Variants in SRCAP observed in about 807,000 individuals in gnomAD.
The protein encoded by SRCAP is Snf2 related CREBBP activator protein.
SRCAP carries 46 observed loss-of-function variants against 263.1 expected under a neutral mutation model. The observed-to-expected ratio is 0.17, with a 90% CI of 0.14 to 0.22. SRCAP has a LOEUF of 0.22. Among genes scored for constraint, SRCAP ranks in the 10% least tolerant of loss-of-function variants. The pLI, the probability that SRCAP is intolerant of heterozygous loss-of-function variation, is 1.00. For missense variants in SRCAP, 3,695 were observed against 4,181.9 expected (o/e 0.88, Z 3.21); for synonymous variants, 1,813 against 1,662.1 (o/e 1.09, Z -2.21).
chr16:30,703,269 CCGCCTCCCA>C (rs1296051040), intron 3 of SRCAP, among the ~76,000 whole-genome samples: 72 of 151,568 alleles, frequency 4.8e-4, no homozygotes, highest in African/African-American at 1.6e-3. Context: ...ACTGCAACCT[CCGCCTCCCA>C]CGCCTCCCAG....
chr16:30,726,840 A>C (rs1373643115), intron 25 of SRCAP, among the ~76,000 whole-genome samples: 1 of 152,096 alleles, frequency 6.6e-6, no homozygotes, highest in Non-Finnish European at 1.5e-5. Context: ...GGCTGGGACT[A>C]CAGGCATGGC....
rs773508218 is a variant in SRCAP, at chr16:30,712,188, A to G, written c.1815+31A>G. The G allele has an allele frequency of 1.2e-5, 20 of 1,605,292 alleles. No homozygotes were observed. The South Asian group carries it at 1.9e-4, about 15-fold the overall frequency. On this transcript the variant is annotated intron_variant, in intron 12 of 33. Coordinates refer to ENST00000262518, the MANE Select transcript of SRCAP (RefSeq NM_006662.3). ...CCCAGGTTCTGGCCTCTCCTTTCTCATGTCTTGACTTTCTCATGTCCCCAC... is the reference window on the plus strand; with the variant it reads ...CCCAGGTTCTGGCCTCTCCTTTCTCGTGTCTTGACTTTCTCATGTCCCCAC...
At chr16:30,701,770 T>C (rs1463067189) in intron 3 of SRCAP, among the ~76,000 whole-genome samples, 1 of 150,070 alleles carries the variant, frequency 6.7e-6, no homozygotes, top group African/African-American at 2.5e-5. Flanking sequence ...GCTGGGATTA[T>C]AGGCACCCAC....
intron 3 of SRCAP, among the ~76,000 whole-genome samples, chr16:30,701,766 A>T (rs1264254586): frequency 2.0e-5 from 3 of 149,632 alleles, no homozygotes; most frequent in Non-Finnish European, 4.4e-5. Context: ...AGTAGCTGGG[A>T]TTATAGGCAC....
chr16:30,721,083 C>T, intron 20 of SRCAP, 105 bp downstream of exon 20: 5 of 1,536,854 alleles, frequency 3.3e-6, no homozygotes, highest in Admixed American at 2.0e-5. Context: ...GGGCTGGGGA[C>T]ACGGGTCTAG....
At chr16:30,715,578 AAAG>A (rs1454797109) in intron 16 of SRCAP, among the ~76,000 whole-genome samples, 17 of 151,894 alleles carry the variant, frequency 1.1e-4, no homozygotes, top group Non-Finnish European at 2.1e-4. Flanking sequence ...AAAAAAAAAA[AAAG>A]AAAACAGGAA....
Position 30,722,620 on chromosome 16 carries a change from C to T in SRCAP, c.3764C>T (p.Ala1255Val). Residue 1255 changes from alanine (A) to valine (V), a missense_variant, in exon 23 of 34, where the codon GCC (alanine) becomes GTC (valine). By Grantham distance (64) the Ala-to-Val change is moderately conservative (BLOSUM62 0). This residue lies in a region of SRCAP where 1,347 missense variants were observed against 1,304.4 expected (regional missense o/e 1.03). Transcript: ENST00000262518. ...CAGCACCATCTCATCAGCCAGCCTG[C>T]CCATGTGGCCCTCATCCAGGCCGTG... ...GGQHHLISQP[A>V]HVALIQAVAP... The T allele has an allele frequency of 1.2e-6, 2 of 1,614,132 alleles. No individual in the cohort carries two copies. The highest frequency in any genetic ancestry group is 1.7e-6 in the Non-Finnish European group (2 of 1,180,020).
At chr16:30,734,388 C>G (rs2053139902) in intron 30 of SRCAP, 108 bp from the exon 31 acceptor site, 1 of 1,510,704 alleles carries the variant, frequency 6.6e-7, no homozygotes, top group Admixed American at 2.1e-5. Context: ...AGACGTGCGT[C>G]TTCAACCAGT....
At chr16:30,713,156 G>A in intron 14 of SRCAP, 52 bp from the exon 15 acceptor site, 1 of 1,569,444 alleles carries the variant, frequency 6.4e-7, no homozygotes, top group Non-Finnish European at 8.7e-7. Context: ...TCTTCCCTTT[G>A]CTCTCTTCTT....
At chr16:30,714,581 A>G (rs1420243480) in intron 16 of SRCAP, among the ~76,000 whole-genome samples, 3 of 128,874 alleles carry the variant, frequency 2.3e-5, no homozygotes, top group Non-Finnish European at 4.7e-5. Context: ...GCTCATTGCA[A>G]CCTCCACCTC....
chr16:30,708,955 T>C (rs892471847), intron 6 of SRCAP, among the ~76,000 whole-genome samples: 6 of 151,926 alleles, frequency 3.9e-5, no homozygotes, highest in South Asian at 2.1e-4. Flanking sequence ...AGTAGCTGAG[T>C]TTACAGGTGC....
At chr16:30,699,459 T>G (rs2052740965) in intron 1 of SRCAP, among the ~76,000 whole-genome samples, 1 of 152,136 alleles carries the variant, frequency 6.6e-6, no homozygotes, top group South Asian at 2.1e-4. Flanking sequence ...GGGAAGTGTC[T>G]CAAGGCGCAG....
At chr16:30,718,481 T>TC (rs1252737547) in intron 18 of SRCAP, among the ~76,000 whole-genome samples, 1 of 145,362 alleles carries the variant, frequency 6.9e-6, no homozygotes, top group African/African-American at 2.6e-5. Flanking sequence ...CTGGCTTTTT[T>TC]TTTTTTTTTT....
chr16:30,713,431 C>T, intron 15 of SRCAP, 54 bp downstream of exon 15: 1 of 1,611,542 alleles, frequency 6.2e-7, no homozygotes, highest in Non-Finnish European at 8.5e-7. Flanking sequence ...GAAGGGAGGG[C>T]TGCCTGGGTT....
intron 16 of SRCAP, among the ~76,000 whole-genome samples, chr16:30,715,644 C>T (rs927468821): frequency 6.6e-6 from 1 of 150,972 alleles, no homozygotes; most frequent in Non-Finnish European, 1.5e-5. Context: ...TTTACTTCTT[C>T]CGTGTCACTG....
At chr16:30,718,900 CTTT>C (rs769660970) in intron 18 of SRCAP, among the ~76,000 whole-genome samples, 1 of 143,232 alleles carries the variant, frequency 7.0e-6, no homozygotes, top group Admixed American at 7.0e-5. Context: ...GTTATTACTA[CTTT>C]TTTTTTTTTT....
At chr16:30,710,681 CT>C in intron 8 of SRCAP, 72 bp from the exon 9 acceptor site, 18 of 1,487,870 alleles carry the variant, frequency 1.2e-5, no homozygotes, top group Non-Finnish European at 1.4e-5. Context: ...CCTGTGACAC[CT>C]TTTTCAAGTT....
Position 30,737,356 on chromosome 16 carries a change from C to G in SRCAP, c.7316C>G (p.Pro2439Arg), listed in dbSNP as rs781436436. 6.2e-7 allele frequency: 1 copy of G among 1,614,086 alleles called. No homozygotes were observed. Among genetic ancestry groups the G allele is most frequent in the Non-Finnish European group, 8.5e-7 (1 of 1,180,004 alleles). Residue 2439 changes from proline (P) to arginine (R), a missense_variant, in exon 34 of 34, where the codon CCA becomes CGA. Pro to Arg is a moderately radical substitution (Grantham distance 103, BLOSUM62 -2). Around this residue, in one of 12 missense-constraint regions of SRCAP, gnomAD observed 1,207 missense variants for 1,142.9 expected, o/e 1.06. Transcript: ENST00000262518. ...CCTGCCAGGGAGCGAGTTCCCAGGC[C>G]AGCACCTAGGCCTCGACCCACTCCA... ...CSPARERVPR[P>R]APRPRPTPAS... is the part of the protein sequence containing the mutation.
intron 3 of SRCAP, among the ~76,000 whole-genome samples, 176 bp downstream of exon 3, chr16:30,701,054 G>T (rs1393257199): frequency 6.6e-6 from 1 of 152,190 alleles, no homozygotes; most frequent in Non-Finnish European, 1.5e-5. Flanking sequence ...TAACATTAGT[G>T]TAATATTATC....
Sources: gnomAD v4.1 joint callset for allele counts (sites outside exome capture counted in the v4.1 genomes callset) on GRCh38, gnomAD v4.1.1 for gene constraint, gnomAD v4.1.1 regional missense constraint, MANE v1.5 for transcripts, NCBI Gene and HGNC (gene_info 2026-07-23, HGNC 2026-07-21) for gene names.